The following THSD8 variants were observed in gnomAD, a reference collection of about 807,000 sequenced individuals.
THSD8 encodes thrombospondin type-1 domain-containing protein 8.
intron 1 of THSD8, among the ~76,000 whole-genome samples, 180 bp from the exon 2 acceptor site, chr19:12,803,911 CAAAAAAAAAAAAA>C (rs761806696): frequency 1.4e-4 from 5 of 34,866 alleles, no homozygotes. Context: ...GACCCTGTCT[CAAAAAAAAAAAAA>C]AAAAAAAAAA....
chr19:12,802,775 C>T (rs1255611060), intron 1 of THSD8, among the ~76,000 whole-genome samples: 1 of 151,832 alleles, frequency 6.6e-6, no homozygotes, highest in East Asian at 1.9e-4. Context: ...GGGATAAGAT[C>T]TGTCTCATAG....
intron 1 of THSD8, among the ~76,000 whole-genome samples, chr19:12,803,731 T>G (rs1461934167): frequency 6.6e-6 from 1 of 151,474 alleles, no homozygotes; most frequent in African/African-American, 2.4e-5. Context: ...GGCAACATGG[T>G]GAAACACCGT....
chr19:12,804,058 G>A, intron 1 of THSD8, 46 bp from the exon 2 acceptor site: 1 of 398,202 alleles, frequency 2.5e-6, no homozygotes, highest in East Asian at 3.6e-5. Context: ...GGGATTGGGA[G>A]TAGGCCCCCT....
chr19:12,802,501 A>G (rs755083092), intron 1 of THSD8, among the ~76,000 whole-genome samples: 1 of 152,184 alleles, frequency 6.6e-6, no homozygotes, highest in Non-Finnish European at 1.5e-5. Flanking sequence ...AGACAGAGAA[A>G]GAAGGGGGCG....
chr19:12,802,158 G>A lies in THSD8; in HGVS notation c.87G>A (p.Gln29=). The change falls in exon 1 of 2, where the codon CAG becomes CAA. Residue 29 remains glutamine (Q), a synonymous_variant. Transcript: ENST00000639810. ...CTGCCCTGGTCTACCAGGACTATCA[G>A]TACTTAGGGCAGCAGGGCGAAGGTG... ...ATPALVYQDY[Q]YLGQQGEGDS... The A allele has an allele frequency of 2.5e-6, 1 of 398,718 alleles. No individual in the cohort carries two copies. 24.7% of individuals were successfully genotyped at this position (398,718 alleles called of 1,614,324 possible).
chr19:12,803,650 C>T (rs142751550), intron 1 of THSD8, among the ~76,000 whole-genome samples: 1 of 152,214 alleles, frequency 6.6e-6, no homozygotes, highest in East Asian at 1.9e-4. Flanking sequence ...CTGGCTCACA[C>T]CTGTAATCCC....
Position 12,804,085 on chromosome 19 carries a change from C to T in THSD8, c.149-19C>T, listed in dbSNP as rs1968945077. 5.0e-6 allele frequency: 2 copies of T among 398,496 alleles called. No individual in the cohort carries two copies. The highest frequency in any genetic ancestry group is 8.8e-6 in the Non-Finnish European group (2 of 226,060). 24.7% of individuals were successfully genotyped at this position (398,496 alleles called of 1,614,324 possible). Reference sequence around the variant, plus strand: ...AGGCCCCCTCCACGTAGGTCTTCACCTCTGCCCTCCTTCTCTAGAAGTCGA... The same window carrying T: ...AGGCCCCCTCCACGTAGGTCTTCACTTCTGCCCTCCTTCTCTAGAAGTCGA... On this transcript the variant is annotated intron_variant, in intron 1 of 1. Coordinates refer to ENST00000639810, the MANE Select transcript of THSD8 (RefSeq NM_001386800.1).
At chr19:12,803,924 A>AAAG in intron 1 of THSD8, among the ~76,000 whole-genome samples, 180 bp from the exon 2 acceptor site, 1 of 148,452 alleles carries the variant, frequency 6.7e-6, no homozygotes, top group South Asian at 2.1e-4. Context: ...AAAAAAAAAA[A>AAAG]AAAAAAAAAA....
In THSD8 at chr19:12,804,223, G is replaced by A. The variant is rs1968947596; in HGVS notation, c.268G>A (p.Glu90Lys). ...GCCGGGCCCGGTTTTCATGGACCCG[G>A]AGAAGCTGATCCAGTTACGGCCCTG... ...TAPGPVFMDP[E>K]KLIQLRPCRQ... Residue 90 changes from glutamate to lysine, a missense_variant, in exon 2 of 2, where the codon GAG (glutamate) becomes AAG (lysine). Physicochemically the swap from Glu to Lys is moderately conservative, Grantham distance 56. Transcript: ENST00000639810. 9 of 398,296 alleles carry A rather than the reference G, an allele frequency of 2.3e-5. No homozygotes were observed. The highest frequency in any genetic ancestry group is 3.6e-5 in the East Asian group (1 of 28,032). The allele number at this position is 398,296 out of a possible 1,614,324, so 24.7% of individuals were successfully genotyped here.
chr19:12,803,033 A>G (rs1333538645), intron 1 of THSD8, among the ~76,000 whole-genome samples: 1 of 152,152 alleles, frequency 6.6e-6, no homozygotes, highest in Non-Finnish European at 1.5e-5. Flanking sequence ...CAGGAATTCA[A>G]GACCAGCCTG....
At chr19:12,803,128 G>A (rs1332565387) in intron 1 of THSD8, among the ~76,000 whole-genome samples, 2 of 152,096 alleles carry the variant, frequency 1.3e-5, no homozygotes, top group African/African-American at 4.8e-5. Context: ...GGTGGCATGC[G>A]CCTGTAGTCC....
chr19:12,803,621 A>G lies in THSD8; in HGVS notation c.149-483A>G, dbSNP rs1029171258. On this transcript the variant is annotated intron_variant, in intron 1 of 1. Coordinates refer to ENST00000639810, the MANE Select transcript of THSD8 (RefSeq NM_001386800.1). ...CACCTGAGACTCGTGGAAATATTAA[A>G]TGAGGCCAGGCATGGTGGCTGGCTC... 6.7e-4 allele frequency among the ~76,000 whole-genome samples: 102 copies of G among 152,164 alleles called. 1 individual carries two copies. Among genetic ancestry groups the G allele is most frequent in the African/African-American group, 2.4e-3 (99 of 41,524 alleles).
intron 1 of THSD8, 45 bp downstream of exon 1, chr19:12,802,264 T>C (rs1968917558): frequency 2.5e-6 from 1 of 398,328 alleles, no homozygotes; most frequent in African/African-American, 2.1e-5. Flanking sequence ...GGCTCCCCGT[T>C]GCCCTACTTC....
rs1052232503 is a variant in THSD8, at chr19:12,804,178, C to T, written c.223C>T (p.Arg75Cys). 12 of 398,440 alleles carry T rather than the reference C, an allele frequency of 3.0e-5. No homozygotes were observed. Among genetic ancestry groups the T allele is most frequent in the Non-Finnish European group, 5.3e-5 (12 of 226,104 alleles). 24.7% of individuals were successfully genotyped at this position (398,440 alleles called of 1,614,324 possible). ...CGACCTGGGCAAGCAGGAGCGCAGC[C>T]GCGAGGTAGTGGGCACAGCGCCGGG... ...LCDLGKQERS[R>C]EVVGTAPGPV... The change falls in exon 2 of 2, where the codon CGC becomes TGC. Residue 75 changes from arginine (R) to cysteine (C), a missense_variant. By Grantham distance (180) the Arg-to-Cys change is radical. Coordinates refer to ENST00000639810, the MANE Select transcript of THSD8 (RefSeq NM_001386800.1).
Position 12,804,143 on chromosome 19 carries a change from G to A in THSD8, c.188G>A (p.Arg63Gln). The A allele has an allele frequency of 2.5e-6, 1 of 398,520 alleles. No homozygotes were observed. The highest frequency in any genetic ancestry group is 4.4e-6 in the Non-Finnish European group (1 of 226,082). 24.7% of individuals were successfully genotyped at this position (398,520 alleles called of 1,614,324 possible). A position where few individuals can be genotyped will look rare whatever the true frequency, so the allele number is the denominator to read the frequency against. Reference sequence around the variant, plus strand: ...ATCCTTGGCCCGTGGGGAAAGTGGCGGTGTCTCTGCGACCTGGGCAAGCAG... The same window carrying A: ...ATCCTTGGCCCGTGGGGAAAGTGGCAGTGTCTCTGCGACCTGGGCAAGCAG... Reference protein sequence around the residue: ...DSILGPWGKWRCLCDLGKQER... With the variant: ...DSILGPWGKWQCLCDLGKQER... Residue 63 changes from arginine (R) to glutamine (Q), a missense_variant, in exon 2 of 2, where the codon CGG (arginine) becomes CAG (glutamine). Transcript: ENST00000639810.
chr19:12,802,672 A>G (rs1311515141), intron 1 of THSD8, among the ~76,000 whole-genome samples: 1 of 152,134 alleles, frequency 6.6e-6, no homozygotes, highest in Non-Finnish European at 1.5e-5. Flanking sequence ...GGAGAAATGG[A>G]AAGAGGTCGG....
Position 12,802,091 on chromosome 19 carries a change from C to T in THSD8, c.20C>T (p.Ala7Val), listed in dbSNP as rs915891707. MARTPG[A>V]LLLAPLLLLQ... ...TCCAGCATGGCGCGGACCCCGGGGG[C>T]GCTGCTGCTGGCGCCTCTGCTACTC... The change falls in exon 1 of 2, where the codon GCG becomes GTG. Residue 7 changes from alanine (A) to valine (V), a missense_variant. By Grantham distance (64) the Ala-to-Val change is moderately conservative (BLOSUM62 0). Transcript: ENST00000639810. 2 of 398,646 alleles carry T rather than the reference C, an allele frequency of 5.0e-6. No individual in the cohort carries two copies. Among genetic ancestry groups the T allele is most frequent in the Non-Finnish European group, 8.8e-6 (2 of 226,064 alleles). 24.7% of individuals were successfully genotyped at this position (398,646 alleles called of 1,614,324 possible). A position where few individuals can be genotyped will look rare whatever the true frequency, so the allele number is the denominator to read the frequency against.
intron 1 of THSD8, 107 bp from the exon 2 acceptor site, chr19:12,803,997 T>A: frequency 2.7e-6 from 1 of 369,988 alleles, no homozygotes; most frequent in Non-Finnish European, 4.7e-6. Flanking sequence ...CTAGCGAATA[T>A]GTGCTTCTCT....
chr19:12,803,300 G>T (rs974962375), intron 1 of THSD8, among the ~76,000 whole-genome samples: 3 of 151,994 alleles, frequency 2.0e-5, no homozygotes, highest in Admixed American at 1.3e-4. Context: ...ATAATAAATT[G>T]GTTTGTATAT....
Sources: gnomAD v4.1 joint callset for allele counts (sites outside exome capture counted in the v4.1 genomes callset) on GRCh38, gnomAD v4.1.1 for gene constraint, MANE v1.5 for transcripts, NCBI Gene and HGNC (gene_info 2026-07-23, HGNC 2026-07-21) for gene names.